Variants in RGS7 observed in about 807,000 individuals in gnomAD.
RGS7 encodes the protein regulator of G-protein signaling 7.
A neutral mutation model predicts 81.1 loss-of-function variants in RGS7; 27 were observed. The observed-to-expected ratio is 0.33, with a 90% CI of 0.25 to 0.46. The LOEUF (loss-of-function observed/expected upper bound fraction) is 0.46. Among genes scored for constraint, RGS7 ranks in the 20% least tolerant of loss-of-function variants. RGS7 has a pLI of 1.00. For missense variants in RGS7, 396 were observed against 607.4 expected (o/e 0.65, Z 3.66); for synonymous variants, 208 against 207.7 (o/e 1.00, Z -0.01).
chr1:241,142,785 C>A (rs2068027563), intron 2 of RGS7, among the ~76,000 whole-genome samples: 2 of 152,228 alleles, frequency 1.3e-5, no homozygotes. Context: ...CAAATTTATG[C>A]AGCCAGCTTG....
chr1:240,976,689 C>A (rs546479708), intron 4 of RGS7, among the ~76,000 whole-genome samples: 123 of 152,202 alleles, frequency 8.1e-4, no homozygotes, highest in Non-Finnish European at 1.5e-3. Context: ...TCAGAAGTAC[C>A]AGTTCTCAAA....
At chr1:240,787,340 T>C (rs905419532) in intron 18 of RGS7, among the ~76,000 whole-genome samples, 1 of 152,228 alleles carries the variant, frequency 6.6e-6, no homozygotes, top group African/African-American at 2.4e-5. Context: ...TACATTTTGG[T>C]CTGTCATAGA....
intron 2 of RGS7, among the ~76,000 whole-genome samples, chr1:241,283,575 G>C (rs1048782997): frequency 1.6e-4 from 24 of 152,024 alleles, no homozygotes; most frequent in African/African-American, 5.3e-4. Context: ...ATATTCATAA[G>C]TTTAATTATG....
intron 4 of RGS7, among the ~76,000 whole-genome samples, chr1:240,978,360 A>G (rs1156683783): frequency 1.3e-5 from 2 of 152,252 alleles, no homozygotes; most frequent in Non-Finnish European, 2.9e-5. Flanking sequence ...TAATAAAGCA[A>G]TCAATGAAAC....
chr1:241,268,333 T>C (rs763659237), intron 2 of RGS7, among the ~76,000 whole-genome samples: 8 of 152,200 alleles, frequency 5.3e-5, no homozygotes, highest in Non-Finnish European at 1.0e-4. Flanking sequence ...CTCGGCACTA[T>C]TGGCATCCTG....
chr1:240,919,751 T>G, intron 6 of RGS7: 5 of 648,862 alleles, frequency 7.7e-6, no homozygotes, highest in South Asian at 7.1e-5. Flanking sequence ...GGGGCCATTT[T>G]CAGCAATGGG....
At chr1:240,894,634 C>A (rs1668754671) in intron 6 of RGS7, among the ~76,000 whole-genome samples, 1 of 151,398 alleles carries the variant, frequency 6.6e-6, no homozygotes, top group Non-Finnish European at 1.5e-5. Context: ...TGGAATTTTT[C>A]CTGATTTTTT....
At chr1:240,927,723 C>T (rs1674687306) in intron 6 of RGS7, among the ~76,000 whole-genome samples, 1 of 152,148 alleles carries the variant, frequency 6.6e-6, no homozygotes, top group African/African-American at 2.4e-5. Flanking sequence ...GGAATAATTA[C>T]ATTATTGTAA....
intron 9 of RGS7, among the ~76,000 whole-genome samples, chr1:240,853,660 C>A (rs978485107): frequency 6.6e-6 from 1 of 151,988 alleles, no homozygotes; most frequent in African/African-American, 2.4e-5. Context: ...AACCCCAGCA[C>A]TTTGGGAGGC....
chr1:241,130,970 T>C (rs1407746528), intron 2 of RGS7, among the ~76,000 whole-genome samples: 1 of 150,838 alleles, frequency 6.6e-6, no homozygotes, highest in Non-Finnish European at 1.5e-5. Context: ...AATTCTACTC[T>C]GGAAGAACTG....
At chr1:241,295,262 C>T (rs1002438668) in intron 2 of RGS7, among the ~76,000 whole-genome samples, 23 of 151,268 alleles carry the variant, frequency 1.5e-4, no homozygotes, top group Admixed American at 2.0e-4. Context: ...GCCTGACGAA[C>T]ATGATGAAAC....
intron 18 of RGS7, among the ~76,000 whole-genome samples, chr1:240,792,570 C>T (rs1021707372): frequency 1.3e-5 from 2 of 152,166 alleles, no homozygotes; most frequent in Non-Finnish European, 2.9e-5. Flanking sequence ...CTCTCTCTCT[C>T]CTGCAGGGCC....
At chr1:241,014,404 G>A (rs2059120202) in intron 3 of RGS7, among the ~76,000 whole-genome samples, 1 of 152,172 alleles carries the variant, frequency 6.6e-6, no homozygotes, top group Admixed American at 6.5e-5. Context: ...ATTCTTTTAT[G>A]CAATGTTACT....
At chr1:240,987,081 A>C (rs1198528825) in intron 3 of RGS7, among the ~76,000 whole-genome samples, 1 of 152,212 alleles carries the variant, frequency 6.6e-6, no homozygotes, top group Non-Finnish European at 1.5e-5. Flanking sequence ...CCAGGATTAG[A>C]GCACATCCTC....
At chr1:240,881,600 T>TA (rs1198862208) in intron 6 of RGS7, among the ~76,000 whole-genome samples, 2 of 152,184 alleles carry the variant, frequency 1.3e-5, no homozygotes, top group Non-Finnish European at 2.9e-5. Flanking sequence ...TTTAAAGATT[T>TA]AGACATTAGC....
chr1:241,331,320 T>C (rs1459927185), intron 2 of RGS7, among the ~76,000 whole-genome samples: 2 of 152,180 alleles, frequency 1.3e-5, no homozygotes, highest in Non-Finnish European at 2.9e-5. Flanking sequence ...AGTATTATAA[T>C]ATAATGATTG....
At chr1:240,998,676 T>A in intron 3 of RGS7, 1 of 1,149,624 alleles carries the variant, frequency 8.7e-7, no homozygotes, top group Non-Finnish European at 1.3e-6. Flanking sequence ...CCAAAAGGGT[T>A]CAACATTTAC....
chr1:241,051,385 C>T (rs1335800605), intron 3 of RGS7, among the ~76,000 whole-genome samples: 3 of 152,152 alleles, frequency 2.0e-5, no homozygotes, highest in Non-Finnish European at 4.4e-5. Flanking sequence ...GATGCTTTAT[C>T]AGGTAGCAGT....
intron 5 of RGS7, among the ~76,000 whole-genome samples, chr1:240,935,329 A>T (rs1676442206): frequency 6.6e-6 from 1 of 152,222 alleles, no homozygotes; most frequent in Admixed American, 6.5e-5. Flanking sequence ...TTATTTGCTG[A>T]TCACCAATAA....
Sources: gnomAD v4.1 joint callset for allele counts (sites outside exome capture counted in the v4.1 genomes callset) on GRCh38, gnomAD v4.1.1 for gene constraint, MANE v1.5 for transcripts, NCBI Gene and HGNC (gene_info 2026-07-23, HGNC 2026-07-21) for gene names.